The following TENM2 variants were observed in gnomAD, a reference collection of about 807,000 sequenced individuals.
TENM2 encodes teneurin-2.
In TENM2, 52 loss-of-function variants were observed where a neutral mutation model predicts 245.2. The observed-to-expected ratio is 0.21, with a 90% CI of 0.17 to 0.27. The LOEUF is 0.27. Among genes scored for constraint, TENM2 ranks in the 10% least tolerant of loss-of-function variants. The probability of loss-of-function intolerance (pLI) is 1.00; values close to 1 mark genes in which losing one functional copy is unlikely to be tolerated. For missense variants in TENM2, 3,046 were observed against 3,666.8 expected (o/e 0.83, Z 4.37); for synonymous variants, 1,363 against 1,438.9 (o/e 0.95, Z 1.19).
the TENM2 span, among the ~76,000 whole-genome samples, chr5:167,190,367 A>G: frequency 5.0e-4 from 76 of 152,180 alleles, no homozygotes; most frequent in African/African-American, 1.8e-3. Context: ...CTACCTCTCT[A>G]TGAAGCTTCG....
chr5:167,740,729 G>C (rs993533954), intron 2 of TENM2, among the ~76,000 whole-genome samples: 2 of 152,180 alleles, frequency 1.3e-5, no homozygotes, highest in African/African-American at 4.8e-5. Context: ...AGCTCAATCA[G>C]TAGTTGGCTG....
intron 1 of TENM2, among the ~76,000 whole-genome samples, chr5:167,320,732 G>C (rs1756662001): frequency 6.6e-6 from 1 of 152,164 alleles, no homozygotes; most frequent in African/African-American, 2.4e-5. Context: ...GCCCTCACCA[G>C]ATGGTGGCAC....
At chr5:167,801,110 ATATAT>A (rs556659293) in intron 2 of TENM2, among the ~76,000 whole-genome samples, 807 of 62,180 alleles carry the variant, frequency 0.013, 2 homozygotes, top group Non-Finnish European at 0.017. Context: ...AAAAAAAAAA[ATATAT>A]ATATATATAT....
chr5:167,577,886 T>C (rs10040492), intron 2 of TENM2, among the ~76,000 whole-genome samples: 3,923 of 152,168 alleles, frequency 0.026, 169 homozygotes, highest in African/African-American at 0.09. Flanking sequence ...AGGTCTTAAC[T>C]CCCTCCCTTA....
At chr5:167,250,655 AT>A in the TENM2 span, among the ~76,000 whole-genome samples, 1 of 152,150 alleles carries the variant, frequency 6.6e-6, no homozygotes, top group Non-Finnish European at 1.5e-5. Flanking sequence ...ATATGAGGCC[AT>A]TCCATCCCAT....
intron 2 of TENM2, among the ~76,000 whole-genome samples, chr5:167,393,152 T>C (rs563344926): frequency 0.045 from 6,868 of 151,090 alleles, 306 homozygotes; most frequent in African/African-American, 0.12. Context: ...AAAAGTTAAT[T>C]TTTATTAGGC....
At chr5:167,193,943 G>A in the TENM2 span, among the ~76,000 whole-genome samples, 2 of 151,844 alleles carry the variant, frequency 1.3e-5, no homozygotes, top group Non-Finnish European at 2.9e-5. Context: ...ATTTTTGGAT[G>A]AGGAAACTGA....
intron 2 of TENM2, among the ~76,000 whole-genome samples, chr5:167,724,625 G>A (rs1759864031): frequency 6.6e-6 from 1 of 152,106 alleles, no homozygotes; most frequent in South Asian, 2.1e-4. Context: ...CCAGGGAAAT[G>A]AAATAGAAAG....
intron 2 of TENM2, among the ~76,000 whole-genome samples, chr5:167,628,061 C>T (rs1011464894): frequency 6.6e-6 from 1 of 152,132 alleles, no homozygotes; most frequent in Non-Finnish European, 1.5e-5. Flanking sequence ...TCTCTGTGTC[C>T]AGGCATCAGA....
At chr5:168,242,473 G>A (rs536173483) in intron 25 of TENM2, among the ~76,000 whole-genome samples, 2 of 152,306 alleles carry the variant, frequency 1.3e-5, no homozygotes, top group South Asian at 4.1e-4. Flanking sequence ...AAAGTCTGAA[G>A]GCCTAAGTTC....
At chr5:167,440,557 T>C (rs1341590875) in intron 2 of TENM2, among the ~76,000 whole-genome samples, 1 of 152,166 alleles carries the variant, frequency 6.6e-6, no homozygotes, top group Non-Finnish European at 1.5e-5. Context: ...AACTAGAGCA[T>C]GAAAACAAAG....
At chr5:167,044,842 T>G in the TENM2 span, among the ~76,000 whole-genome samples, 1 of 152,208 alleles carries the variant, frequency 6.6e-6, no homozygotes, top group Non-Finnish European at 1.5e-5. Context: ...AAGCAGTTTT[T>G]GGAATGCTTG....
chr5:167,057,216 A>G, the TENM2 span, among the ~76,000 whole-genome samples: 1 of 152,126 alleles, frequency 6.6e-6, no homozygotes, highest in Admixed American at 6.5e-5. Context: ...CTCTCTGCTT[A>G]CATCATTTAT....
intron 2 of TENM2, among the ~76,000 whole-genome samples, chr5:167,395,389 G>C (rs909704941): frequency 1.3e-5 from 2 of 152,028 alleles, no homozygotes; most frequent in African/African-American, 4.8e-5. Flanking sequence ...TGTGGGGTTG[G>C]GATATTTTTC....
intron 5 of TENM2, among the ~76,000 whole-genome samples, chr5:168,045,989 C>T (rs1788574659): frequency 6.6e-6 from 1 of 152,156 alleles, no homozygotes; most frequent in African/African-American, 2.4e-5. Context: ...TATTTATCAT[C>T]TCAAGAAGTT....
chr5:167,371,605 C>G (rs992009468), intron 1 of TENM2, among the ~76,000 whole-genome samples: 6 of 152,052 alleles, frequency 3.9e-5, no homozygotes, highest in African/African-American at 1.4e-4. Context: ...AGGTGATCAG[C>G]CTGCCTCGGC....
chr5:167,047,832 C>A, the TENM2 span, among the ~76,000 whole-genome samples: 1 of 151,998 alleles, frequency 6.6e-6, no homozygotes, highest in Non-Finnish European at 1.5e-5. Flanking sequence ...CTTGTTTTTG[C>A]TTTTCAGAGA....
intron 1 of TENM2, among the ~76,000 whole-genome samples, chr5:167,335,994 GCTAA>G (rs377274765): frequency 2.9e-4 from 44 of 152,098 alleles, no homozygotes; most frequent in African/African-American, 6.7e-4. Flanking sequence ...GACTTAATAG[GCTAA>G]CTAACTATCT....
chr5:167,814,158 C>T (rs552083165), intron 2 of TENM2, among the ~76,000 whole-genome samples: 43 of 152,104 alleles, frequency 2.8e-4, no homozygotes, highest in Non-Finnish European at 5.4e-4. Flanking sequence ...GCAGCTAATA[C>T]ACGTTTGATC....
Sources: allele counts gnomAD v4.1 joint callset (sites outside exome capture counted in the v4.1 genomes callset), GRCh38; gene constraint gnomAD v4.1.1; transcripts MANE v1.5; gene names NCBI Gene and HGNC (gene_info 2026-07-23, HGNC 2026-07-21).